Variants in DGKI observed in about 807,000 individuals in gnomAD.
DGKI encodes the protein DAG kinase iota.
Under a neutral mutation model 147.5 loss-of-function variants are expected in DGKI, and 55 were observed. The ratio of observed to expected loss-of-function variants is 0.37; its 90% CI spans 0.30 to 0.47. The LOEUF (loss-of-function observed/expected upper bound fraction) is 0.47, where lower values mean the gene tolerates loss of function less well. Among genes scored for constraint, DGKI ranks in the 20% least tolerant of loss-of-function variants. DGKI has a pLI of 1.00. For missense variants in DGKI, 1,007 were observed against 1,323.8 expected, an observed-to-expected ratio of 0.76 and a Z score of 3.71; for synonymous variants, 469 against 477.1, an observed-to-expected ratio of 0.98 and a Z score of 0.22.
intron 1 of DGKI, among the ~76,000 whole-genome samples, chr7:137,763,228 G>C (rs1795913816): frequency 6.6e-6 from 1 of 152,176 alleles, no homozygotes; most frequent in Non-Finnish European, 1.5e-5. Context: ...TGAAATACTG[G>C]AGAGGCCATT....
At chr7:137,490,716 C>G (rs1448423217) in intron 21 of DGKI, among the ~76,000 whole-genome samples, 4 of 152,166 alleles carry the variant, frequency 2.6e-5, no homozygotes, top group Admixed American at 2.0e-4. Flanking sequence ...TTGACATTTC[C>G]TCTATTTTAC....
chr7:137,740,872 A>T (rs1467851260), intron 1 of DGKI, among the ~76,000 whole-genome samples: 1 of 152,206 alleles, frequency 6.6e-6, no homozygotes, highest in African/African-American at 2.4e-5. Flanking sequence ...TAAGGTAATT[A>T]TAAGATTGGA....
chr7:137,759,397 G>A (rs528278181), intron 1 of DGKI, among the ~76,000 whole-genome samples: 10 of 151,262 alleles, frequency 6.6e-5, no homozygotes, highest in African/African-American at 9.7e-5. Context: ...GCTGGAGTGC[G>A]ATGGCGCGAT....
At chr7:137,599,368 C>T (rs557991654) in intron 11 of DGKI, among the ~76,000 whole-genome samples, 3 of 151,852 alleles carry the variant, frequency 2.0e-5, no homozygotes, top group Non-Finnish European at 4.4e-5. Context: ...TCAATTGATT[C>T]TCTCTCTCTC....
intron 1 of DGKI, among the ~76,000 whole-genome samples, chr7:137,692,565 A>G (rs1244757659): frequency 6.6e-6 from 1 of 152,164 alleles, no homozygotes; most frequent in Non-Finnish European, 1.5e-5. Flanking sequence ...GAACTTGTAG[A>G]CTCTGACCGC....
At chr7:137,791,237 C>T (rs1796845735) in intron 1 of DGKI, among the ~76,000 whole-genome samples, 1 of 152,158 alleles carries the variant, frequency 6.6e-6, no homozygotes, top group Non-Finnish European at 1.5e-5. Context: ...TCATCTTCCT[C>T]AGCTGGCCAT....
At chr7:137,684,846 G>T (rs909838340) in intron 2 of DGKI, among the ~76,000 whole-genome samples, 6 of 152,164 alleles carry the variant, frequency 3.9e-5, no homozygotes, top group Admixed American at 1.3e-4. Context: ...GATGAAGAGG[G>T]GGGCCTGACG....
At chr7:137,414,214 A>C (rs1812273898) in intron 28 of DGKI, among the ~76,000 whole-genome samples, 2 of 152,174 alleles carry the variant, frequency 1.3e-5, no homozygotes, top group Admixed American at 1.3e-4. Flanking sequence ...AAACTTACTC[A>C]CTGCCCCTGG....
At position 137,846,352 on chromosome 7, in the gene DGKI, G is replaced by A. The variant is rs1240496690; in HGVS notation, c.401+110C>T. ...GGAGAGGGGGAAAGGGGGAAGGAGAGGCGTGGAAACAGAGAGGTGCCCAAC... is the reference window on the plus strand; with the variant it reads ...GGAGAGGGGGAAAGGGGGAAGGAGAAGCGTGGAAACAGAGAGGTGCCCAAC... On this transcript the variant is annotated intron_variant, in intron 1 of 32. Coordinates refer to ENST00000614521, the MANE Select transcript of DGKI (RefSeq NM_001321708.2). This position sits in a 1 kb window ranked among gnomAD's most constrained non-coding sequence, Gnocchi z 4.0. The A allele has an allele frequency of 4.9e-6, 3 of 608,978 alleles. No homozygotes were observed. Among genetic ancestry groups the A allele is most frequent in the Non-Finnish European group, 8.1e-6 (3 of 370,860 alleles). The allele number at this position is 608,978 out of a possible 1,614,324, so 37.7% of individuals were successfully genotyped here. A position where few individuals can be genotyped will look rare whatever the true frequency, so the allele number is the denominator to read the frequency against.
chr7:137,437,830 C>G (rs7780901), intron 28 of DGKI, among the ~76,000 whole-genome samples: 1 of 151,818 alleles, frequency 6.6e-6, no homozygotes, highest in African/African-American at 2.4e-5. Context: ...TACAGGGAGA[C>G]GACAGACTTT....
At chr7:137,820,569 G>C (rs1176258531) in intron 1 of DGKI, among the ~76,000 whole-genome samples, 1 of 152,124 alleles carries the variant, frequency 6.6e-6, no homozygotes, top group Non-Finnish European at 1.5e-5. Flanking sequence ...AGATGGATGG[G>C]CTCTCTTGTT....
intron 6 of DGKI, among the ~76,000 whole-genome samples, chr7:137,628,320 T>C (rs939867469): frequency 1.3e-5 from 2 of 152,202 alleles, no homozygotes; most frequent in Non-Finnish European, 2.9e-5. Flanking sequence ...GGCAGGGCCC[T>C]TGGCAATGAG....
Position 137,751,377 on chromosome 7 carries a change from A to G in DGKI, c.402-61375T>C, listed in dbSNP as rs371608850. Reference sequence around the variant, plus strand: ...CTATTGGGCAGTTAACTCTCTGAGAATAAGATGGTATTCCATTCACCGAGT... The same window carrying G: ...CTATTGGGCAGTTAACTCTCTGAGAGTAAGATGGTATTCCATTCACCGAGT... On this transcript the variant is annotated intron_variant, in intron 1 of 32. Coordinates refer to ENST00000614521, the MANE Select transcript of DGKI (RefSeq NM_001321708.2). 1.8e-4 allele frequency among the ~76,000 whole-genome samples: 28 copies of G among 152,354 alleles called. 1 individual carries two copies. Among genetic ancestry groups the G allele is most frequent in the Middle Eastern group, 6.8e-3 (2 of 294 alleles).
intron 29 of DGKI, among the ~76,000 whole-genome samples, chr7:137,411,282 G>A (rs1452572353): frequency 2.0e-5 from 3 of 151,942 alleles, no homozygotes; most frequent in Non-Finnish European, 4.4e-5. Flanking sequence ...CCTGATGCCT[G>A]AAAACCAAAT....
At chr7:137,517,321 A>AAGAAAGAAAGAAAG (rs1816802490) in intron 21 of DGKI, among the ~76,000 whole-genome samples, 2 of 130,258 alleles carry the variant, frequency 1.5e-5, no homozygotes, top group African/African-American at 6.7e-5. Flanking sequence ...GAAAGAAAGA[A>AAGAAAGAAAGAAAG]AGAAAGAAAG....
At chr7:137,470,469 A>C (rs1001943595) in intron 23 of DGKI, among the ~76,000 whole-genome samples, 1 of 152,056 alleles carries the variant, frequency 6.6e-6, no homozygotes, top group Non-Finnish European at 1.5e-5. Flanking sequence ...ATTAAAATCC[A>C]CTCATTAATT....
intron 1 of DGKI, among the ~76,000 whole-genome samples, chr7:137,761,537 C>T (rs1473009581): frequency 6.6e-6 from 1 of 152,218 alleles, no homozygotes; most frequent in Non-Finnish European, 1.5e-5. Context: ...CTGAATCCCT[C>T]AGCAGCACTC....
chr7:137,395,026 C>T lies in DGKI; in HGVS notation c.3057+572G>A, dbSNP rs553093172. On this transcript the variant is annotated intron_variant, in intron 32 of 32. Coordinates refer to ENST00000614521, the MANE Select transcript of DGKI (RefSeq NM_001321708.2). Reference sequence around the variant, plus strand: ...CATGCTATCTAGTACCTGAGGTTAACTTTTAGAGAATAATATTAGAAAACA... The same window carrying T: ...CATGCTATCTAGTACCTGAGGTTAATTTTTAGAGAATAATATTAGAAAACA... Among the ~76,000 whole-genome samples, 174 of 152,214 alleles carry T rather than the reference C, an allele frequency of 1.1e-3. 6 individuals carry two copies. In the South Asian group the frequency reaches 0.034, roughly 30 times the overall value.
intron 23 of DGKI, among the ~76,000 whole-genome samples, chr7:137,476,311 G>A (rs1445162269): frequency 6.6e-6 from 1 of 152,058 alleles, no homozygotes. Flanking sequence ...TTTGGTGATG[G>A]TAATTTTCCT....
Sources: allele counts gnomAD v4.1 joint callset (sites outside exome capture counted in the v4.1 genomes callset), GRCh38; gene constraint gnomAD v4.1.1; non-coding constraint Gnocchi (gnomAD v3.1); transcripts MANE v1.5; gene names NCBI Gene and HGNC (gene_info 2026-07-23, HGNC 2026-07-21).